Variants in CIMIP4 observed in about 807,000 individuals in gnomAD.
CIMIP4 encodes the protein ciliary microtubule inner protein 4.
the CIMIP4 span, among the ~76,000 whole-genome samples, chr22:36,992,337 ACT>A: frequency 2.0e-5 from 3 of 148,942 alleles, no homozygotes; most frequent in African/African-American, 7.4e-5. Flanking sequence ...ACAGAGAGAG[ACT>A]CTGTCTCAAA....
the CIMIP4 span, among the ~76,000 whole-genome samples, chr22:36,996,455 CTGAG>C: frequency 0.11 from 16,473 of 151,252 alleles, 1,170 homozygotes; most frequent in African/African-American, 0.2. Flanking sequence ...AGAGATTCTC[CTGAG>C]TAAGTCTAAC....
the CIMIP4 span, among the ~76,000 whole-genome samples, chr22:37,001,280 T>C: frequency 2.6e-5 from 4 of 151,786 alleles, no homozygotes; most frequent in African/African-American, 9.7e-5. Context: ...GTCAGCCTGA[T>C]CTAGTGCAAC....
the CIMIP4 span, chr22:37,000,039 C>T: frequency 6.4e-7 from 1 of 1,566,274 alleles, no homozygotes; most frequent in South Asian, 1.2e-5. Flanking sequence ...TTTCAAGCCC[C>T]ATATCTCCCT....
chr22:36,996,553 A>T, the CIMIP4 span, among the ~76,000 whole-genome samples: 1 of 152,180 alleles, frequency 6.6e-6, no homozygotes, highest in African/African-American at 2.4e-5. Flanking sequence ...AAATTAATGG[A>T]GGTATATACC....
At chr22:36,998,275 G>C in the CIMIP4 span, among the ~76,000 whole-genome samples, 12 of 152,298 alleles carry the variant, frequency 7.9e-5, no homozygotes, top group Admixed American at 1.3e-4. Flanking sequence ...AAGCAGAACT[G>C]TATTCTCGCT....
At chr22:37,003,250 T>TG in the CIMIP4 span, among the ~76,000 whole-genome samples, 1 of 152,254 alleles carries the variant, frequency 6.6e-6, no homozygotes, top group Non-Finnish European at 1.5e-5. Flanking sequence ...CTCTCAGAGC[T>TG]GCTGCATCAG....
the CIMIP4 span, chr22:36,991,401 T>G: frequency 1.3e-6 from 2 of 1,570,032 alleles, no homozygotes; most frequent in Non-Finnish European, 1.8e-6. Flanking sequence ...TGCTCTGGTT[T>G]CTCTCTGACC....
chr22:37,000,408 C>T, the CIMIP4 span, among the ~76,000 whole-genome samples: 1 of 152,208 alleles, frequency 6.6e-6, no homozygotes, highest in South Asian at 2.1e-4. Flanking sequence ...CCACACAGGG[C>T]AGCTCTGGGT....
the CIMIP4 span, among the ~76,000 whole-genome samples, chr22:36,994,482 C>T: frequency 6.6e-6 from 1 of 152,130 alleles, no homozygotes; most frequent in African/African-American, 2.4e-5. Flanking sequence ...TGCGCCATCA[C>T]GCCTAGCTAA....
At chr22:37,003,205 C>G in the CIMIP4 span, among the ~76,000 whole-genome samples, 1 of 152,232 alleles carries the variant, frequency 6.6e-6, no homozygotes, top group Admixed American at 6.5e-5. Context: ...TGAGGATTCC[C>G]TAGGCTCTCA....
the CIMIP4 span, chr22:37,001,947 C>T: frequency 1.9e-6 from 3 of 1,613,820 alleles, no homozygotes; most frequent in East Asian, 2.2e-5. Context: ...TGGTCCTGAG[C>T]CCCCAAGCTG....
chr22:36,992,863 G>A, the CIMIP4 span, among the ~76,000 whole-genome samples: 1 of 151,198 alleles, frequency 6.6e-6, no homozygotes, highest in Non-Finnish European at 1.5e-5. Context: ...TGTAATCCCA[G>A]CACTTTGGGA....
At chr22:37,000,880 GTGGGGTCACTGCACTTTAAGA>G in the CIMIP4 span, among the ~76,000 whole-genome samples, 2 of 152,170 alleles carry the variant, frequency 1.3e-5, no homozygotes, top group African/African-American at 4.8e-5. Context: ...CTTGCTGGTG[GTGGGGTCACTGCACTTTAAGA>G]TGACAGAGTG....
the CIMIP4 span, among the ~76,000 whole-genome samples, chr22:36,993,415 C>T: frequency 6.6e-6 from 1 of 151,650 alleles, no homozygotes; most frequent in Non-Finnish European, 1.5e-5. Context: ...GGTAACCACT[C>T]AAAGAATAAG....
At chr22:36,999,373 A>G in the CIMIP4 span, among the ~76,000 whole-genome samples, 1 of 147,470 alleles carries the variant, frequency 6.8e-6, no homozygotes, top group Non-Finnish European at 1.5e-5. Context: ...CCAGCTACTT[A>G]TGGGGGCAGG....
the CIMIP4 span, among the ~76,000 whole-genome samples, chr22:36,997,144 T>G: frequency 6.6e-6 from 1 of 152,188 alleles, no homozygotes; most frequent in African/African-American, 2.4e-5. Context: ...CTTTCTTAAA[T>G]GGCTAAAACT....
chr22:37,004,119 C>T, the CIMIP4 span: 5 of 1,176,088 alleles, frequency 4.3e-6, no homozygotes, highest in Non-Finnish European at 5.9e-6. Context: ...AGGCCTGTGG[C>T]TGTCTGCCCG....
At chr22:36,997,813 G>C in the CIMIP4 span, among the ~76,000 whole-genome samples, 1 of 152,172 alleles carries the variant, frequency 6.6e-6, no homozygotes, top group Non-Finnish European at 1.5e-5. Context: ...GATGTCTTCT[G>C]CCTCACTCCT....
chr22:36,991,377 C>A, the CIMIP4 span: 1 of 1,552,020 alleles, frequency 6.4e-7, no homozygotes, highest in Non-Finnish European at 8.9e-7. Flanking sequence ...CAAGTCCACC[C>A]CGGCTCTGTC....
Sources: gnomAD v4.1 joint callset for allele counts (sites outside exome capture counted in the v4.1 genomes callset) on GRCh38, gnomAD v4.1.1 for gene constraint, MANE v1.5 for transcripts, NCBI Gene and HGNC (gene_info 2026-07-23, HGNC 2026-07-21) for gene names.